The following KCND2 variants were observed in gnomAD, a reference collection of about 807,000 sequenced individuals.
The protein encoded by KCND2 is potassium voltage-gated channel subfamily D member 2.
KCND2 carries 16 observed loss-of-function variants against 54.4 expected under a neutral mutation model. The ratio of observed to expected loss-of-function variants is 0.29; its 90% confidence interval spans 0.20 to 0.45. The LOEUF (loss-of-function observed/expected upper bound fraction) is 0.45. Among genes scored for constraint, KCND2 ranks in the 20% least tolerant of loss-of-function variants. KCND2 has a pLI of 1.00. For missense variants in KCND2, 486 were observed against 824.2 expected (o/e 0.59, Z 5.02); for synonymous variants, 317 against 310.7 (o/e 1.02, Z -0.21).
chr7:120,288,916 G>A (rs10278619), intron 1 of KCND2, among the ~76,000 whole-genome samples: 145,496 of 152,048 alleles, frequency 0.96, 69,933 homozygotes, highest in East Asian at 1. Context: ...TAGATGATGC[G>A]GGTTTATCCC....
chr7:120,533,569 A>G (rs970605532), intron 1 of KCND2, among the ~76,000 whole-genome samples: 1 of 152,150 alleles, frequency 6.6e-6, no homozygotes, highest in Admixed American at 6.6e-5. Flanking sequence ...CTTAAAAATG[A>G]TAATATGTTT....
At chr7:120,428,431 G>A (rs980698631) in intron 1 of KCND2, among the ~76,000 whole-genome samples, 3 of 152,202 alleles carry the variant, frequency 2.0e-5, no homozygotes, top group Admixed American at 6.5e-5. Context: ...TAGGAAATAA[G>A]CGTTAGGAGA....
chr7:120,637,682 T>G (rs1035300298), intron 1 of KCND2, among the ~76,000 whole-genome samples: 1 of 152,100 alleles, frequency 6.6e-6, no homozygotes, highest in Non-Finnish European at 1.5e-5. Flanking sequence ...ACTGTTTAGG[T>G]GAAAAAGAAA....
At chr7:120,380,758 G>T (rs1800906581) in intron 1 of KCND2, among the ~76,000 whole-genome samples, 1 of 151,870 alleles carries the variant, frequency 6.6e-6, no homozygotes, top group Non-Finnish European at 1.5e-5. Flanking sequence ...AAAAAAGATA[G>T]GTGTAAGTTG....
rs192004312 is a variant in KCND2 at position 120,455,741 on chromosome 7, C to A, written c.1115+179994C>A. ...AGCAAACTAATACAGGAACAGAAGA[C>A]CAAATACTTCATGTTCTCACTTAAT... On this transcript the variant is annotated intron_variant, in intron 1 of 5. Transcript: ENST00000331113. Among the ~76,000 whole-genome samples, 5 of 152,134 alleles carry A rather than the reference C, an allele frequency of 3.3e-5. No homozygotes were observed. In the East Asian group the frequency reaches 9.7e-4, roughly 29 times the overall value.
At chr7:120,559,494 A>G (rs1482819314) in intron 1 of KCND2, among the ~76,000 whole-genome samples, 2 of 152,188 alleles carry the variant, frequency 1.3e-5, no homozygotes, top group East Asian at 3.9e-4. Context: ...GCAGAGACTC[A>G]GGGCTGAATA....
Position 120,591,531 on chromosome 7 carries a change from C to A in KCND2, c.1116-141372C>A, listed in dbSNP as rs1385438942. ...ATGCAGTGGAAAGTCCTGTGAAAGG[C>A]ACTATAGAAATACAATGTGTTTATA... On this transcript the variant is annotated intron_variant, in intron 1 of 5. Coordinates refer to ENST00000331113, the MANE Select transcript of KCND2 (RefSeq NM_012281.3). Among the ~76,000 whole-genome samples, 2 of 152,166 alleles carry A rather than the reference C, an allele frequency of 1.3e-5. 1 individual carries two copies. The highest frequency in any genetic ancestry group is 2.9e-5 in the Non-Finnish European group (2 of 68,032).
At chr7:120,488,217 G>GA (rs1802722714) in intron 1 of KCND2, among the ~76,000 whole-genome samples, 1 of 152,002 alleles carries the variant, frequency 6.6e-6, no homozygotes, top group South Asian at 2.1e-4. Context: ...TATTCATTAT[G>GA]AAAAAACCCA....
At position 120,678,343 on chromosome 7, in the gene KCND2, T is replaced by TTATATATATATATA. The variant is rs3067141; in HGVS notation, c.1116-54543_1116-54530dup. Among the ~76,000 whole-genome samples, 209 of 120,252 alleles carry TTATATATATATATA rather than the reference T, an allele frequency of 1.7e-3. 2 individuals are homozygous for TTATATATATATATA. Among genetic ancestry groups the TTATATATATATATA allele is most frequent in the African/African-American group, 3.7e-3 (117 of 31,756 alleles). The allele number at this position is 120,252 out of a possible 152,430, so 78.9% of individuals were successfully genotyped here. A position where few individuals can be genotyped will look rare whatever the true frequency, so the allele number is the denominator to read the frequency against. ...GCTCTTCTACCGTAGGTATGATTAT[T>TTATATATATATATA]TATATATATATATATATATATATAT... On this transcript the variant is annotated intron_variant, in intron 1 of 5. Transcript: ENST00000331113.
chr7:120,311,570 C>T (rs1799737046), intron 1 of KCND2, among the ~76,000 whole-genome samples: 1 of 152,156 alleles, frequency 6.6e-6, no homozygotes, highest in East Asian at 1.9e-4. Flanking sequence ...GGATTTTCTC[C>T]TTTTTTAACT....
intron 1 of KCND2, among the ~76,000 whole-genome samples, chr7:120,533,284 C>T (rs569778121): frequency 1.3e-5 from 2 of 152,186 alleles, no homozygotes; most frequent in South Asian, 4.1e-4. Context: ...GGTGTACATT[C>T]TCACCTTTTG....
At chr7:120,672,054 T>C (rs1362126056) in intron 1 of KCND2, among the ~76,000 whole-genome samples, 1 of 152,098 alleles carries the variant, frequency 6.6e-6, no homozygotes. Context: ...CCTCACCTGT[T>C]CTTTTATTTT....
At chr7:120,491,606 T>C (rs997681747) in intron 1 of KCND2, among the ~76,000 whole-genome samples, 5 of 152,142 alleles carry the variant, frequency 3.3e-5, no homozygotes, top group Non-Finnish European at 7.4e-5. Flanking sequence ...AACAGTCATA[T>C]CTAAGTATTA....
At chr7:120,543,185 T>C (rs1792002673) in intron 1 of KCND2, among the ~76,000 whole-genome samples, 1 of 152,036 alleles carries the variant, frequency 6.6e-6, no homozygotes, top group African/African-American at 2.4e-5. Context: ...ATCTTCCAGA[T>C]TCTTTCTCTG....
chr7:120,327,784 CCTT>C (rs1440270562), intron 1 of KCND2, among the ~76,000 whole-genome samples: 6 of 151,736 alleles, frequency 4.0e-5, no homozygotes, highest in East Asian at 1.9e-4. Flanking sequence ...TTAAATATAA[CCTT>C]CTTTTAAAAG....
chr7:120,686,512 A>T (rs1792203555), intron 1 of KCND2, among the ~76,000 whole-genome samples: 2 of 150,932 alleles, frequency 1.3e-5, no homozygotes, highest in Non-Finnish European at 3.0e-5. Context: ...CATAAGACAG[A>T]GTTGGAGGCA....
intron 1 of KCND2, among the ~76,000 whole-genome samples, chr7:120,352,465 C>T (rs201333025): frequency 0.65 from 85,645 of 130,916 alleles, 28,119 homozygotes; most frequent in South Asian, 0.8. Flanking sequence ...TACATACACA[C>T]ACACACACAC....
chr7:120,318,428 C>T (rs1300077639), intron 1 of KCND2, among the ~76,000 whole-genome samples: 1 of 152,094 alleles, frequency 6.6e-6, no homozygotes, highest in Non-Finnish European at 1.5e-5. Context: ...GAATAGCATT[C>T]TCTGTGAATT....
At chr7:120,331,264 T>G (rs962943025) in intron 1 of KCND2, among the ~76,000 whole-genome samples, 4 of 152,106 alleles carry the variant, frequency 2.6e-5, no homozygotes, top group Non-Finnish European at 5.9e-5. Context: ...AAAATCATTT[T>G]GAAGCAAATT....
Sources: gnomAD v4.1 joint callset for allele counts (sites outside exome capture counted in the v4.1 genomes callset) on GRCh38, gnomAD v4.1.1 for gene constraint, MANE v1.5 for transcripts, NCBI Gene and HGNC (gene_info 2026-07-23, HGNC 2026-07-21) for gene names.